CDKAL1: variants seen among roughly 807,000 people sequenced by gnomAD.
CDKAL1 encodes the protein CDKAL1 threonylcarbamoyladenosine tRNA methylthiotransferase.
CDKAL1 carries 32 observed loss-of-function variants against 68.2 expected under a neutral mutation model. The ratio of observed to expected loss-of-function variants is 0.47; its 90% confidence interval spans 0.35 to 0.63. The LOEUF is 0.63. CDKAL1 is among the 30% of genes least tolerant of loss of function. The probability of loss-of-function intolerance (pLI) is 0.00; values close to 1 mark genes in which losing one functional copy is unlikely to be tolerated. For synonymous variants in CDKAL1, 234 were observed against 244.3 expected (o/e 0.96, Z 0.39); for missense variants, 606 against 696.7 (o/e 0.87, Z 1.47).
intron 15 of CDKAL1, among the ~76,000 whole-genome samples, chr6:21,220,686 CA>C (rs1223800393): frequency 6.6e-6 from 1 of 152,138 alleles, no homozygotes; most frequent in Non-Finnish European, 1.5e-5. Context: ...GTTACTAAGC[CA>C]AAGATTAAGA....
Position 21,099,057 on chromosome 6 carries a change from C to T in CDKAL1, c.1237-9344C>T, listed in dbSNP as rs1773456822. The stretch of plus-strand genomic sequence containing the variant: ...GTTCTAAACTGTGGCTTCACATTCT[C>T]ATCACCTGGAGAAATTTTTAAAACC... On this transcript the variant is annotated intron_variant, in intron 12 of 15. Transcript: ENST00000274695. Among the ~76,000 whole-genome samples the T allele has an allele frequency of 3.9e-5, 6 of 152,258 alleles. No homozygotes were observed. The South Asian group carries it at 8.3e-4, about 21-fold the overall frequency.
intron 8 of CDKAL1, among the ~76,000 whole-genome samples, chr6:20,830,404 T>C (rs1777666455): frequency 6.6e-6 from 1 of 152,226 alleles, no homozygotes; most frequent in East Asian, 1.9e-4. Context: ...CATGAGATAC[T>C]ATTCAAGATG....
At chr6:20,662,458 CT>C (rs1480385420) in intron 5 of CDKAL1, among the ~76,000 whole-genome samples, 2 of 152,050 alleles carry the variant, frequency 1.3e-5, no homozygotes, top group African/African-American at 4.8e-5. Flanking sequence ...ACATATTTTA[CT>C]GTTTTTGTAG....
At chr6:21,154,779 A>G (rs987846451) in intron 13 of CDKAL1, among the ~76,000 whole-genome samples, 3 of 152,126 alleles carry the variant, frequency 2.0e-5, no homozygotes, top group Non-Finnish European at 1.5e-5. Flanking sequence ...CACGAAGTCA[A>G]GAGATGGAGA....
intron 5 of CDKAL1, among the ~76,000 whole-genome samples, chr6:20,684,018 A>G (rs989005902): frequency 3.3e-5 from 5 of 152,102 alleles, no homozygotes; most frequent in Non-Finnish European, 7.4e-5. Context: ...AGTTTCCTCT[A>G]TATCTTTTCG....
At chr6:21,088,116 T>C (rs1447162295) in intron 12 of CDKAL1, among the ~76,000 whole-genome samples, 1 of 152,210 alleles carries the variant, frequency 6.6e-6, no homozygotes, top group African/African-American at 2.4e-5. Context: ...TTTTTCTGCC[T>C]AGAATTTCTC....
At chr6:20,830,796 G>A (rs1777685325) in intron 8 of CDKAL1, among the ~76,000 whole-genome samples, 1 of 152,114 alleles carries the variant, frequency 6.6e-6, no homozygotes, top group South Asian at 2.1e-4. Flanking sequence ...CTATTGGTGT[G>A]GAAGTATTAA....
At chr6:20,848,867 A>T (rs1047981383) in intron 9 of CDKAL1, among the ~76,000 whole-genome samples, 2 of 150,378 alleles carry the variant, frequency 1.3e-5, no homozygotes, top group African/African-American at 4.9e-5. Context: ...GTCAGAGCTT[A>T]CTGCAGCTTC....
At position 20,923,402 on chromosome 6, in the gene CDKAL1, G is replaced by T. The variant is rs116610218; in HGVS notation, c.743-32017G>T. Among the ~76,000 whole-genome samples the T allele has an allele frequency of 4.9e-3, 738 of 152,076 alleles. 3 individuals are homozygous for T. Among genetic ancestry groups the T allele is most frequent in the African/African-American group, 0.017 (696 of 41,452 alleles). ...CTTTGTGTCTCTGTGCCACATTTTGGTATGTCTCACAATATTTCACATGTT... is the reference window on the plus strand; with the variant it reads ...CTTTGTGTCTCTGTGCCACATTTTGTTATGTCTCACAATATTTCACATGTT... On this transcript the variant is annotated intron_variant, in intron 9 of 15. Transcript: ENST00000274695.
chr6:21,205,895 C>T (rs777504775), intron 15 of CDKAL1, among the ~76,000 whole-genome samples: 1 of 129,532 alleles, frequency 7.7e-6, no homozygotes, highest in Non-Finnish European at 1.5e-5. Context: ...AGTGCAGTGG[C>T]GCGATCTTGG....
At chr6:21,081,176 G>A (rs113756418) in intron 12 of CDKAL1, among the ~76,000 whole-genome samples, 121 of 152,200 alleles carry the variant, frequency 8.0e-4, no homozygotes, top group Middle Eastern at 3.4e-3. Context: ...TTTTTATCCT[G>A]CTTCTTTTAC....
At chr6:21,184,410 G>T (rs1449355915) in intron 13 of CDKAL1, among the ~76,000 whole-genome samples, 1 of 152,046 alleles carries the variant, frequency 6.6e-6, no homozygotes, top group African/African-American at 2.4e-5. Flanking sequence ...GGCCAGGCTG[G>T]TCTCTAACTC....
chr6:20,735,454 A>G (rs1340852462), intron 5 of CDKAL1, among the ~76,000 whole-genome samples: 2 of 152,098 alleles, frequency 1.3e-5, no homozygotes, highest in African/African-American at 2.4e-5. Context: ...ATCAGATCTC[A>G]TCAGAACTTA....
chr6:20,650,103 T>C (rs1464282094), intron 5 of CDKAL1, among the ~76,000 whole-genome samples: 1 of 152,224 alleles, frequency 6.6e-6, no homozygotes, highest in East Asian at 1.9e-4. Context: ...CTGGATCAAA[T>C]GGCCTTTCTG....
chr6:20,625,711 G>A (rs1055884355), intron 4 of CDKAL1, among the ~76,000 whole-genome samples: 5 of 152,030 alleles, frequency 3.3e-5, no homozygotes, highest in African/African-American at 1.2e-4. Flanking sequence ...ATAAGGCATT[G>A]ACAGTCAATG....
intron 5 of CDKAL1, among the ~76,000 whole-genome samples, chr6:20,672,900 C>T (rs1769916652): frequency 1.3e-5 from 2 of 152,124 alleles, no homozygotes; most frequent in Admixed American, 1.3e-4. Context: ...CCTCAGCCTC[C>T]CGAGTAGCTG....
chr6:20,654,157 A>G (rs560496261), intron 5 of CDKAL1, among the ~76,000 whole-genome samples: 19 of 152,376 alleles, frequency 1.2e-4, no homozygotes, highest in South Asian at 2.1e-4. Flanking sequence ...TACTGGGATT[A>G]CAGGCGTGAG....
intron 8 of CDKAL1, among the ~76,000 whole-genome samples, chr6:20,790,833 G>T (rs1324873866): frequency 1.3e-5 from 2 of 152,186 alleles, no homozygotes; most frequent in African/African-American, 4.8e-5. Context: ...TGGGTCTGGG[G>T]CTTTTTAGGG....
At chr6:20,562,654 A>G (rs906255758) in intron 4 of CDKAL1, among the ~76,000 whole-genome samples, 1 of 152,008 alleles carries the variant, frequency 6.6e-6, no homozygotes, top group Non-Finnish European at 1.5e-5. Context: ...AGGCAGAAGA[A>G]TTGCTTTGAC....
Sources: gnomAD v4.1 joint callset for allele counts (sites outside exome capture counted in the v4.1 genomes callset) on GRCh38, gnomAD v4.1.1 for gene constraint, MANE v1.5 for transcripts, NCBI Gene and HGNC (gene_info 2026-07-23, HGNC 2026-07-21) for gene names.